PHF2: variants seen among roughly 807,000 people sequenced by gnomAD.
The protein encoded by PHF2 is PHD finger protein 2, also known as lysine-specific demethylase PHF2.
PHF2 carries 27 observed loss-of-function variants against 120.5 expected under a neutral mutation model. The observed-to-expected ratio is 0.22, with a 90% CI of 0.17 to 0.31. The LOEUF (loss-of-function observed/expected upper bound fraction) is 0.31, where lower values mean the gene tolerates loss of function less well. Among genes scored for constraint, PHF2 ranks in the 10% least tolerant of loss-of-function variants. The pLI is 1.00. For synonymous variants in PHF2, 568 were observed against 592.5 expected (o/e 0.96, Z 0.60); for missense variants, 1,024 against 1,434.8 (o/e 0.71, Z 4.63).
At chr9:93,660,709 G>A (rs1826549406) in intron 12 of PHF2, 149 bp downstream of exon 12, 1 of 716,618 alleles carries the variant, frequency 1.4e-6, no homozygotes, top group Non-Finnish European at 2.2e-6. Context: ...TCTTGCTGTG[G>A]GCTTGTATGC....
chr9:93,607,439 ATT>A (rs36083667), intron 1 of PHF2, among the ~76,000 whole-genome samples: 64,777 of 100,744 alleles, frequency 0.64, 20,664 homozygotes, highest in South Asian at 0.75. Flanking sequence ...TGCCTGGCTA[ATT>A]TTTTTTTTTT....
chr9:93,597,171 C>T (rs1282819279), intron 1 of PHF2, among the ~76,000 whole-genome samples: 4 of 152,114 alleles, frequency 2.6e-5, no homozygotes, highest in East Asian at 1.9e-4. Context: ...CCTCATGGTC[C>T]GCCTGCCTCA....
chr9:93,606,007 T>C (rs1825536350), intron 1 of PHF2, among the ~76,000 whole-genome samples: 1 of 152,076 alleles, frequency 6.6e-6, no homozygotes, highest in Non-Finnish European at 1.5e-5. Context: ...AGGGTCTGGC[T>C]CTGTTGCCCG....
chr9:93,640,193 G>A (rs1365310870), intron 3 of PHF2, among the ~76,000 whole-genome samples: 1 of 151,850 alleles, frequency 6.6e-6, no homozygotes, highest in African/African-American at 2.4e-5. Context: ...CCTTTATGTG[G>A]TCTAAGCTTT....
intron 10 of PHF2, among the ~76,000 whole-genome samples, chr9:93,658,723 G>T (rs992442725): frequency 6.6e-6 from 1 of 152,124 alleles, no homozygotes; most frequent in African/African-American, 2.4e-5. Context: ...CTCCTGGCTG[G>T]CCCTGGCATC....
chr9:93,642,632 T>C (rs1826188711), intron 3 of PHF2, among the ~76,000 whole-genome samples: 1 of 152,232 alleles, frequency 6.6e-6, no homozygotes, highest in Non-Finnish European at 1.5e-5. Context: ...GCTGTTTCTT[T>C]ATATTGTTTG....
In PHF2 at chr9:93,607,120, C is replaced by T. The variant is rs192016458; in HGVS notation, c.99-22850C>T. On this transcript the variant is annotated intron_variant, in intron 1 of 21. Transcript: ENST00000359246. ...TGATTACTGTAGCTTCATAGGAGGC[C>T]TCAAAGTCATGGAGTGTCAGTCCTC... Among the ~76,000 whole-genome samples, 7 of 152,282 alleles carry T rather than the reference C, an allele frequency of 4.6e-5. No individual in the cohort carries two copies. The East Asian group carries it at 9.6e-4, about 21-fold the overall frequency.
At chr9:93,639,508 C>A (rs1257757110) in intron 3 of PHF2, among the ~76,000 whole-genome samples, 1 of 152,024 alleles carries the variant, frequency 6.6e-6, no homozygotes, top group Non-Finnish European at 1.5e-5. Context: ...ATGACCATGT[C>A]ATTTGCAAAT....
At position 93,653,191 on chromosome 9, in the gene PHF2, C is replaced by T. The variant is rs750708120; in HGVS notation, c.615C>T (p.Phe205=). 7 of 1,613,956 alleles carry T rather than the reference C, an allele frequency of 4.3e-6. No homozygotes were observed. Among genetic ancestry groups the T allele is most frequent in the East Asian group, 4.5e-5 (2 of 44,892 alleles). Residue 205 remains phenylalanine (F), a synonymous_variant, in exon 6 of 22, where the codon TTC becomes TTT. Transcript: ENST00000359246. ...LEFSDTRMSS[F]VEPPDIVKKL... is the part of the protein sequence containing the mutation. ...CTCCCACCCCTAGAATGTCCAGCTT[C>T]GTGGAGCCACCTGACATTGTAAAGA...
intron 1 of PHF2, among the ~76,000 whole-genome samples, chr9:93,618,604 A>T (rs373482202): frequency 1.3e-4 from 20 of 152,392 alleles, no homozygotes; most frequent in African/African-American, 4.6e-4. Context: ...CTTCTAAAAC[A>T]TGATGTTCTT....
At chr9:93,602,247 CT>C (rs67001312) in intron 1 of PHF2, among the ~76,000 whole-genome samples, 14,631 of 75,866 alleles carry the variant, frequency 0.19, 285 homozygotes, top group South Asian at 0.31. Flanking sequence ...CCTAGAGATT[CT>C]TTTTTTTTTT....
At position 93,676,932 on chromosome 9, in the gene PHF2, A is replaced by T; in HGVS notation, c.3171A>T (p.Ala1057=). 3 of 1,570,264 alleles carry T rather than the reference A, an allele frequency of 1.9e-6. No individual in the cohort carries two copies. Among genetic ancestry groups the T allele is most frequent in the Non-Finnish European group, 2.6e-6 (3 of 1,155,380 alleles). The change falls in exon 21 of 22, where the codon GCA becomes GCT. Residue 1057 remains alanine, a synonymous_variant. Coordinates refer to ENST00000359246, the MANE Select transcript of PHF2 (RefSeq NM_005392.4). ...TTCTCACACAGAGGCGGCCCTCCGC[A>T]TCGTCTCCAAACAACAACACCGCTG... ...GVFLTQRRPS[A]SSPNNNTAAK...
chr9:93,602,802 G>T (rs576712631), intron 1 of PHF2, among the ~76,000 whole-genome samples: 1 of 152,160 alleles, frequency 6.6e-6, no homozygotes, highest in Non-Finnish European at 1.5e-5. Context: ...GATTGTAGTC[G>T]AGTTTTATAG....
chr9:93,654,015 A>G lies in PHF2; in HGVS notation c.790-398A>G, dbSNP rs1488714182. On this transcript the variant is annotated intron_variant, in intron 6 of 21. Transcript: ENST00000359246. The stretch of plus-strand genomic sequence containing the variant: ...ACAGGGGTCTCACTGCTCCTGGTGC[A>G]GAACCCCTCCTGGGGCCTGCCATAA... Among the ~76,000 whole-genome samples, 4 of 152,300 alleles carry G rather than the reference A, an allele frequency of 2.6e-5. No individual in the cohort carries two copies. The South Asian group carries it at 8.3e-4, about 32-fold the overall frequency.
intron 1 of PHF2, among the ~76,000 whole-genome samples, chr9:93,587,231 GGAGCCCTGGGTGAGGGATGATGGAA>G (rs1488244834): frequency 0.017 from 2,533 of 149,888 alleles, 30 homozygotes; most frequent in Middle Eastern, 0.024. Context: ...GGATGATGGA[GGAGCCCTGGGTGAGGGATGATGGAA>G]GAGCCCTGGG....
intron 1 of PHF2, among the ~76,000 whole-genome samples, chr9:93,586,737 G>A (rs7040568): frequency 0.81 from 124,079 of 152,276 alleles, 50,651 homozygotes; most frequent in East Asian, 0.88. Flanking sequence ...CCCTCAGTCT[G>A]TCCATCTAGC....
At chr9:93,584,310 C>A (rs1862993823) in intron 1 of PHF2, among the ~76,000 whole-genome samples, 1 of 152,036 alleles carries the variant, frequency 6.6e-6, no homozygotes. Context: ...GATTTCATTG[C>A]CTGTACAATC....
chr9:93,614,646 T>C (rs1825691894), intron 1 of PHF2, among the ~76,000 whole-genome samples: 1 of 152,158 alleles, frequency 6.6e-6, no homozygotes, highest in Non-Finnish European at 1.5e-5. Flanking sequence ...GGAAGAGAAA[T>C]GAAATGTCAA....
At chr9:93,625,015 A>G (rs545961541) in intron 1 of PHF2, among the ~76,000 whole-genome samples, 2 of 152,324 alleles carry the variant, frequency 1.3e-5, no homozygotes, top group African/African-American at 4.8e-5. Context: ...AAAATGAACA[A>G]TTCAGTGGTA....
Sources: allele counts gnomAD v4.1 joint callset (sites outside exome capture counted in the v4.1 genomes callset), GRCh38; gene constraint gnomAD v4.1.1; transcripts MANE v1.5; gene names NCBI Gene and HGNC (gene_info 2026-07-23, HGNC 2026-07-21).